SLC44A5: variants seen among roughly 807,000 people sequenced by gnomAD.
SLC44A5 encodes the protein solute carrier family 44 member 5.
A neutral mutation model predicts 101.8 loss-of-function variants in SLC44A5; 57 were observed. That is an observed-to-expected ratio of 0.56 (90% CI 0.45 to 0.70). The LOEUF (loss-of-function observed/expected upper bound fraction) is 0.70, where lower values mean the gene tolerates loss of function less well. Among genes scored for constraint, SLC44A5 ranks in the 30% least tolerant of loss-of-function variants. The pLI is 0.00. For missense variants in SLC44A5, 737 were observed against 853.1 expected, an observed-to-expected ratio of 0.86 and a Z score of 1.70; for synonymous variants, 281 against 290.9, an observed-to-expected ratio of 0.97 and a Z score of 0.35.
chr1:75,593,290 A>G (rs1674453388), intron 1 of SLC44A5, among the ~76,000 whole-genome samples: 1 of 152,178 alleles, frequency 6.6e-6, no homozygotes, highest in Non-Finnish European at 1.5e-5. Context: ...ATGAGATATC[A>G]TCTCACCCCA....
chr1:75,600,128 T>C (rs1178632807), intron 1 of SLC44A5, among the ~76,000 whole-genome samples: 1 of 152,050 alleles, frequency 6.6e-6, no homozygotes, highest in East Asian at 1.9e-4. Context: ...GCAGCAGAGA[T>C]AGAGAAAAGT....
chr1:75,710,575 A>AG, the SLC44A5 span: 2 of 150,866 alleles, frequency 1.3e-5, no homozygotes, highest in African/African-American at 2.4e-5. Context: ...AAAAAAAAAA[A>AG]AAAAAAAAAA....
chr1:75,659,915 G>A, the SLC44A5 span, among the ~76,000 whole-genome samples: 1 of 152,024 alleles, frequency 6.6e-6, no homozygotes, highest in Admixed American at 6.6e-5. Flanking sequence ...GAACACACAT[G>A]CAAATCAATA....
the SLC44A5 span, among the ~76,000 whole-genome samples, chr1:75,662,837 A>G: frequency 9.9e-5 from 15 of 152,218 alleles, no homozygotes; most frequent in Admixed American, 3.3e-4. Context: ...AGTGCTTACC[A>G]TATCAAAATG....
chr1:75,527,646 A>C (rs528522033), intron 2 of SLC44A5, among the ~76,000 whole-genome samples: 2 of 152,154 alleles, frequency 1.3e-5, no homozygotes, highest in South Asian at 2.1e-4. Context: ...TTTCCAATGA[A>C]CAATTTTACT....
chr1:75,556,200 T>C (rs1672207121), intron 1 of SLC44A5, among the ~76,000 whole-genome samples: 1 of 152,092 alleles, frequency 6.6e-6, no homozygotes, highest in South Asian at 2.1e-4. Context: ...CAAGCAAAAT[T>C]AGTCACATTG....
intron 1 of SLC44A5, among the ~76,000 whole-genome samples, chr1:75,565,156 C>T (rs1672725985): frequency 6.6e-6 from 1 of 152,180 alleles, no homozygotes; most frequent in South Asian, 2.1e-4. Context: ...TGCCCCAAAA[C>T]CATCACTATG....
rs567809057 is a variant in SLC44A5, at chr1:75,386,810, T to C, written c.52+9773A>G. ...CATCACACTACCTGACTTCAAACTATACTACAAGGCTACAGTAAGCAAAAC... is the reference window on the plus strand; with the variant it reads ...CATCACACTACCTGACTTCAAACTACACTACAAGGCTACAGTAAGCAAAAC... On this transcript the variant is annotated intron_variant, in intron 3 of 23. Coordinates refer to ENST00000370859, the MANE Select transcript of SLC44A5 (RefSeq NM_001130058.2). Among the ~76,000 whole-genome samples, 1,321 of 151,972 alleles carry C rather than the reference T, an allele frequency of 8.7e-3. 15 individuals are homozygous for C. Among genetic ancestry groups the C allele is most frequent in the African/African-American group, 0.03 (1,246 of 41,386 alleles).
At chr1:75,271,497 T>TTGTGTGTG (rs4035634) in intron 6 of SLC44A5, among the ~76,000 whole-genome samples, 63,222 of 146,134 alleles carry the variant, frequency 0.43, 14,259 homozygotes, top group East Asian at 0.85. Context: ...TCTGCATGTT[T>TTGTGTGTG]TGTGTGTGTG....
chr1:75,610,534 A>C (rs762979850), intron 1 of SLC44A5, among the ~76,000 whole-genome samples: 2 of 152,168 alleles, frequency 1.3e-5, no homozygotes, highest in Non-Finnish European at 2.9e-5. Context: ...TAAGAAAGCA[A>C]AGAATACAAA....
intron 3 of SLC44A5, among the ~76,000 whole-genome samples, chr1:75,364,676 G>A (rs945210897): frequency 3.3e-5 from 5 of 152,084 alleles, no homozygotes; most frequent in African/African-American, 9.7e-5. Context: ...ATGCTTTGTT[G>A]GCCTTTTCTC....
chr1:75,491,109 T>C (rs184273057), intron 2 of SLC44A5, among the ~76,000 whole-genome samples: 156 of 152,234 alleles, frequency 1.0e-3, no homozygotes, highest in African/African-American at 3.6e-3. Context: ...TCTCCAGGGA[T>C]TGGCTTAGTC....
chr1:75,221,602 G>C (rs1647082493), intron 14 of SLC44A5, among the ~76,000 whole-genome samples: 1 of 152,132 alleles, frequency 6.6e-6, no homozygotes, highest in Non-Finnish European at 1.5e-5. Flanking sequence ...GACAGAAGTG[G>C]CAATAGCATA....
At chr1:75,623,684 A>G in the SLC44A5 span, among the ~76,000 whole-genome samples, 1 of 152,130 alleles carries the variant, frequency 6.6e-6, no homozygotes, top group Non-Finnish European at 1.5e-5. Context: ...AGCTTAGGAC[A>G]TGATAATATT....
At chr1:75,595,351 CA>C (rs1216610068) in intron 1 of SLC44A5, among the ~76,000 whole-genome samples, 1 of 151,896 alleles carries the variant, frequency 6.6e-6, no homozygotes, top group Non-Finnish European at 1.5e-5. Context: ...TTTTCCTGCC[CA>C]AAGCATACCA....
intron 7 of SLC44A5, among the ~76,000 whole-genome samples, chr1:75,243,400 G>T (rs1648826167): frequency 6.6e-6 from 1 of 152,002 alleles, no homozygotes; most frequent in South Asian, 2.1e-4. Flanking sequence ...GCCTCCCAAA[G>T]TGCTAGGATT....
the SLC44A5 span, among the ~76,000 whole-genome samples, chr1:75,646,095 G>T: frequency 2.2e-5 from 3 of 134,704 alleles, 1 homozygote; most frequent in South Asian, 6.3e-4. Flanking sequence ...TTTTGGCTTA[G>T]GATTGACTTG....
intron 2 of SLC44A5, among the ~76,000 whole-genome samples, chr1:75,504,480 T>A (rs1669139484): frequency 6.6e-6 from 1 of 152,098 alleles, no homozygotes; most frequent in Non-Finnish European, 1.5e-5. Flanking sequence ...ACATTAAAAA[T>A]TGCATAGAAC....
At chr1:75,259,663 T>C (rs1379185150) in intron 6 of SLC44A5, among the ~76,000 whole-genome samples, 1 of 152,048 alleles carries the variant, frequency 6.6e-6, no homozygotes, top group Non-Finnish European at 1.5e-5. Flanking sequence ...ATATTCAAAT[T>C]CAGGAAATAC....
Sources: allele counts gnomAD v4.1 joint callset (sites outside exome capture counted in the v4.1 genomes callset), GRCh38; gene constraint gnomAD v4.1.1; transcripts MANE v1.5; gene names NCBI Gene and HGNC (gene_info 2026-07-23, HGNC 2026-07-21).